Variants in GFOD1 observed in about 807,000 individuals in gnomAD.
The protein encoded by GFOD1 is Gfo/Idh/MocA-like oxidoreductase domain containing 1, also known as glucose-fructose oxidoreductase domain-containing protein 1.
Under a neutral mutation model 25.4 loss-of-function variants are expected in GFOD1, and 9 were observed. The ratio of observed to expected loss-of-function variants is 0.35; its 90% confidence interval spans 0.21 to 0.62. The LOEUF (loss-of-function observed/expected upper bound fraction) is 0.62. Ranked by LOEUF, GFOD1 falls within the 20% of genes least tolerant of loss-of-function variation. The probability of loss-of-function intolerance (pLI) is 0.72; values close to 1 mark genes in which losing one functional copy is unlikely to be tolerated. For missense variants in GFOD1, 403 were observed against 556.9 expected (o/e 0.72, Z 2.78); for synonymous variants, 253 against 245.6 (o/e 1.03, Z -0.28).
chr6:13,460,090 C>T (rs1024473621), intron 1 of GFOD1, among the ~76,000 whole-genome samples: 2 of 152,190 alleles, frequency 1.3e-5, no homozygotes, highest in East Asian at 1.9e-4. Flanking sequence ...GCCGAGATCG[C>T]GCCACTGCAC....
intron 1 of GFOD1, among the ~76,000 whole-genome samples, chr6:13,435,198 C>T (rs1330862994): frequency 6.6e-6 from 1 of 152,186 alleles, no homozygotes; most frequent in Non-Finnish European, 1.5e-5. Context: ...AACTCAAACA[C>T]AGAGCAGCAG....
intron 1 of GFOD1, among the ~76,000 whole-genome samples, chr6:13,400,092 TG>T (rs1785813493): frequency 6.6e-6 from 1 of 152,020 alleles, no homozygotes; most frequent in Admixed American, 6.5e-5. Flanking sequence ...TCTGGCCTCC[TG>T]ATATATTGAA....
chr6:13,380,331 G>A (rs1785339125), intron 1 of GFOD1, among the ~76,000 whole-genome samples: 1 of 152,216 alleles, frequency 6.6e-6, no homozygotes, highest in East Asian at 1.9e-4. Context: ...GAAGGAATAG[G>A]CCTACTGCAA....
intron 1 of GFOD1, among the ~76,000 whole-genome samples, chr6:13,426,297 A>G (rs1786350716): frequency 6.6e-6 from 1 of 152,232 alleles, no homozygotes. Flanking sequence ...TGGTCCTATA[A>G]TACAGAAGAT....
chr6:13,394,617 G>A (rs980113393), intron 1 of GFOD1, among the ~76,000 whole-genome samples: 2 of 148,986 alleles, frequency 1.3e-5, no homozygotes, highest in African/African-American at 2.5e-5. Context: ...TGGGACTACA[G>A]GTGCATGCTA....
At chr6:13,469,287 A>G in intron 1 of GFOD1, 1 of 985,574 alleles carries the variant, frequency 1.0e-6, no homozygotes, top group Non-Finnish European at 1.2e-6. Context: ...TTATCCATAC[A>G]AGAGTTTGCC....
chr6:13,382,782 G>C (rs1477624120), intron 1 of GFOD1, among the ~76,000 whole-genome samples: 1 of 152,132 alleles, frequency 6.6e-6, no homozygotes, highest in Non-Finnish European at 1.5e-5. Flanking sequence ...ATTAAGCCCA[G>C]CATGCATTAG....
chr6:13,377,837 CTCTT>C (rs1418061263), intron 1 of GFOD1, among the ~76,000 whole-genome samples: 14 of 152,190 alleles, frequency 9.2e-5, no homozygotes, highest in Non-Finnish European at 1.6e-4. Flanking sequence ...TTCCAAAACT[CTCTT>C]TGTTTCTGAG....
At chr6:13,473,552 G>A (rs929316330) in intron 1 of GFOD1, among the ~76,000 whole-genome samples, 1 of 152,260 alleles carries the variant, frequency 6.6e-6, no homozygotes, top group African/African-American at 2.4e-5. Context: ...AAAGATGCAA[G>A]TGACACTTAC....
intron 1 of GFOD1, among the ~76,000 whole-genome samples, chr6:13,419,230 A>G (rs1786213502): frequency 6.6e-6 from 1 of 152,212 alleles, no homozygotes; most frequent in African/African-American, 2.4e-5. Context: ...AAGGATTATT[A>G]AAAACTATGA....
chr6:13,381,101 C>A (rs1350305161), intron 1 of GFOD1, among the ~76,000 whole-genome samples: 1 of 152,204 alleles, frequency 6.6e-6, no homozygotes, highest in Non-Finnish European at 1.5e-5. Context: ...ATACTGCTCA[C>A]TCCTGGGGGT....
At position 13,365,971 on chromosome 6, in the gene GFOD1, C is replaced by T. The variant is rs979182070; in HGVS notation, c.254-309G>A. 3.3e-5 allele frequency among the ~76,000 whole-genome samples: 5 copies of T among 150,250 alleles called. No individual in the cohort carries two copies. Among genetic ancestry groups the T allele is most frequent in the Non-Finnish European group, 7.4e-5 (5 of 67,686 alleles). On this transcript the variant is annotated intron_variant, in intron 1 of 1. Transcript: ENST00000379287. The surrounding 1 kb of genome is among the most constrained non-coding windows in gnomAD (Gnocchi z 9.2). The stretch of plus-strand genomic sequence containing the variant: ...CCTGTGGTCCCAGCTACTCAGGAGG[C>T]CGAAGTGGGAGGATCACTTGAGCCC...
Position 13,364,933 on chromosome 6 carries a change from C to T in GFOD1, c.983G>A (p.Gly328Glu). 1 of 1,612,202 alleles carries T rather than the reference C, an allele frequency of 6.2e-7. No individual in the cohort carries two copies. Among genetic ancestry groups the T allele is most frequent in the South Asian group, 1.1e-5 (1 of 91,074 alleles). The stretch of plus-strand genomic sequence containing the variant: ...GGTGGCGGCCATGGTGAGGGGCCGC[C>T]CATCCCACGTGCGCCGGTCGTCCTG... ...QDQDDRRTWD[G>E]RPLTMAATFD... Residue 328 changes from glycine to glutamate, a missense_variant, in exon 2 of 2, where the codon GGG becomes GAG. Transcript: ENST00000379287. This position sits in a 1 kb window ranked among gnomAD's most constrained non-coding sequence, Gnocchi z 4.1.
intron 1 of GFOD1, chr6:13,470,735 G>T: frequency 7.1e-7 from 1 of 1,414,780 alleles, no homozygotes; most frequent in Non-Finnish European, 9.3e-7. Flanking sequence ...GCCTGCCAGG[G>T]ACACATTTAA....
At chr6:13,475,826 A>C (rs1324721063) in intron 1 of GFOD1, among the ~76,000 whole-genome samples, 1 of 151,978 alleles carries the variant, frequency 6.6e-6, no homozygotes, top group South Asian at 2.1e-4. Context: ...TGGGAGGCTG[A>C]GGCAGGAGAA....
intron 1 of GFOD1, among the ~76,000 whole-genome samples, chr6:13,436,535 G>A (rs773303268): frequency 6.6e-6 from 1 of 152,126 alleles, no homozygotes; most frequent in East Asian, 1.9e-4. Flanking sequence ...TGGTTTTATA[G>A]GCTGCATAAT....
intron 1 of GFOD1, among the ~76,000 whole-genome samples, chr6:13,484,982 T>C (rs991234281): frequency 6.6e-6 from 1 of 152,190 alleles, no homozygotes; most frequent in African/African-American, 2.4e-5. Context: ...AAGATCGTTA[T>C]AAGATATTTG....
At chr6:13,448,810 G>A (rs1002625293) in intron 1 of GFOD1, among the ~76,000 whole-genome samples, 1 of 152,146 alleles carries the variant, frequency 6.6e-6, no homozygotes, top group African/African-American at 2.4e-5. Flanking sequence ...ACAGAGATCT[G>A]GCTGTACCTC....
At chr6:13,400,175 G>A (rs1339308124) in intron 1 of GFOD1, among the ~76,000 whole-genome samples, 1 of 152,154 alleles carries the variant, frequency 6.6e-6, no homozygotes, top group African/African-American at 2.4e-5. Flanking sequence ...ACTAAGACAT[G>A]CAGGACCGGG....
Sources: allele counts gnomAD v4.1 joint callset (sites outside exome capture counted in the v4.1 genomes callset), GRCh38; gene constraint gnomAD v4.1.1; non-coding constraint Gnocchi (gnomAD v3.1); transcripts MANE v1.5; gene names NCBI Gene and HGNC (gene_info 2026-07-23, HGNC 2026-07-21).